The following DTNA variants were observed in gnomAD, a reference collection of about 807,000 sequenced individuals.
DTNA encodes dystrophin-related protein 3.
In DTNA, 43 loss-of-function variants were observed where a neutral mutation model predicts 100.7. That is an observed-to-expected ratio of 0.43 (90% CI 0.33 to 0.55). DTNA has a LOEUF of 0.55. Among genes scored for constraint, DTNA ranks in the 20% least tolerant of loss-of-function variants. The pLI is 0.04. For missense variants in DTNA, 798 were observed against 953.9 expected (o/e 0.84, Z 2.15); for synonymous variants, 349 against 347.9 (o/e 1.00, Z -0.04).
intron 17 of DTNA, chr18:34,866,368 A>C (rs545987363): frequency 1.1e-4 from 153 of 1,400,850 alleles, no homozygotes; most frequent in Non-Finnish European, 1.4e-4. Context: ...TCTTTTAGAA[A>C]AGGGAACGAA....
rs35456039 is a variant in DTNA, at chr18:34,824,932, T to TA, written c.1002-2640dup. ...ATTTTACAGGTAGCCTTAGATACAG[T>TA]AAAAAAAAAAAAAAAAAAAAATTAA... On this transcript the variant is annotated intron_variant, in intron 9 of 22. Transcript: ENST00000444659. Among the ~76,000 whole-genome samples, 10,464 of 96,712 alleles carry TA rather than the reference T, an allele frequency of 0.11. 496 individuals carry two copies. Among genetic ancestry groups the TA allele is most frequent in the African/African-American group, 0.15 (4,029 of 26,916 alleles). The allele number at this position is 96,712 out of a possible 152,430, so 63.4% of individuals were successfully genotyped here.
chr18:34,510,289 G>T (rs988116464), intron 1 of DTNA, among the ~76,000 whole-genome samples: 2 of 151,680 alleles, frequency 1.3e-5, no homozygotes, highest in African/African-American at 4.8e-5. Context: ...TTGTTTTTGT[G>T]TGTGTTCTCT....
intron 1 of DTNA, among the ~76,000 whole-genome samples, chr18:34,570,880 G>T (rs1021877466): frequency 2.0e-5 from 3 of 152,152 alleles, no homozygotes; most frequent in Non-Finnish European, 2.9e-5. Flanking sequence ...GGCTCCAGGG[G>T]AGGAGTGAAG....
At chr18:34,827,959 C>A (rs898117488) in intron 10 of DTNA, among the ~76,000 whole-genome samples, 2 of 152,022 alleles carry the variant, frequency 1.3e-5, no homozygotes, top group African/African-American at 4.8e-5. Flanking sequence ...CACATGCATC[C>A]CATCTCATTA....
chr18:34,831,246 A>G (rs1482753202), intron 11 of DTNA, among the ~76,000 whole-genome samples: 4 of 152,178 alleles, frequency 2.6e-5, no homozygotes, highest in Non-Finnish European at 2.9e-5. Context: ...TTTTACCTCC[A>G]ATTTTAGAAA....
At chr18:34,703,314 A>G (rs2081644854) in intron 1 of DTNA, among the ~76,000 whole-genome samples, 2 of 152,230 alleles carry the variant, frequency 1.3e-5, no homozygotes, top group African/African-American at 4.8e-5. Flanking sequence ...GTATACTTAT[A>G]AGCCAGAATT....
At chr18:34,591,033 G>C (rs188928720) in intron 1 of DTNA, among the ~76,000 whole-genome samples, 26 of 152,246 alleles carry the variant, frequency 1.7e-4, no homozygotes, top group African/African-American at 6.3e-4. Context: ...GCACTATAAA[G>C]AGTGGCCAGT....
chr18:34,652,808 G>A (rs999420662), intron 1 of DTNA, among the ~76,000 whole-genome samples: 1 of 152,084 alleles, frequency 6.6e-6, no homozygotes, highest in African/African-American at 2.4e-5. Context: ...AAATCTCCAT[G>A]AGACTTCTGT....
At chr18:34,518,345 A>G (rs2041849081) in intron 1 of DTNA, among the ~76,000 whole-genome samples, 1 of 152,148 alleles carries the variant, frequency 6.6e-6, no homozygotes, top group Non-Finnish European at 1.5e-5. Context: ...TGTGGTTTGC[A>G]AATAGTTTCT....
chr18:34,726,102 T>TG (rs2086619541), intron 1 of DTNA, among the ~76,000 whole-genome samples: 1 of 151,280 alleles, frequency 6.6e-6, no homozygotes, highest in South Asian at 2.1e-4. Flanking sequence ...TGTCGGGGAG[T>TG]GGGGGGCTGG....
At chr18:34,806,808 A>G (rs1416201436) in intron 5 of DTNA, among the ~76,000 whole-genome samples, 2 of 152,256 alleles carry the variant, frequency 1.3e-5, no homozygotes, top group African/African-American at 4.8e-5. Context: ...AGAGTTAACT[A>G]GATGCCAGTA....
intron 1 of DTNA, among the ~76,000 whole-genome samples, chr18:34,539,899 A>G (rs1568615393): frequency 6.6e-6 from 1 of 151,910 alleles, no homozygotes; most frequent in Non-Finnish European, 1.5e-5. Context: ...ATTTAAGTAG[A>G]CATTTTGACT....
At chr18:34,639,314 C>T (rs2059006922) in intron 1 of DTNA, among the ~76,000 whole-genome samples, 1 of 152,212 alleles carries the variant, frequency 6.6e-6, no homozygotes, top group African/African-American at 2.4e-5. Flanking sequence ...ATCACCCTGT[C>T]TCCAGTTGTG....
chr18:34,798,567 T>A (rs1308804707), intron 4 of DTNA, among the ~76,000 whole-genome samples: 1 of 152,244 alleles, frequency 6.6e-6, no homozygotes, highest in Non-Finnish European at 1.5e-5. Flanking sequence ...TTCAGTAGTA[T>A]CTTCTTTCGT....
At chr18:34,868,400 G>A in intron 17 of DTNA, 1 of 900,950 alleles carries the variant, frequency 1.1e-6, no homozygotes, top group Non-Finnish European at 1.3e-6. Flanking sequence ...AGGCGGTTCT[G>A]CAAGGAAATA....
chr18:34,610,144 G>A (rs2053943842), intron 1 of DTNA, among the ~76,000 whole-genome samples: 1 of 152,088 alleles, frequency 6.6e-6, no homozygotes, highest in South Asian at 2.1e-4. Context: ...AAACAATAAG[G>A]TCATGCCTGA....
intron 1 of DTNA, among the ~76,000 whole-genome samples, chr18:34,632,016 G>A (rs944799666): frequency 5.9e-5 from 9 of 151,700 alleles, no homozygotes; most frequent in African/African-American, 1.9e-4. Context: ...TTATTATCTT[G>A]GTGTCTCATA....
chr18:34,547,374 A>C (rs1298630047), intron 1 of DTNA, among the ~76,000 whole-genome samples: 2 of 151,742 alleles, frequency 1.3e-5, no homozygotes, highest in Non-Finnish European at 2.9e-5. Context: ...TCATAAAGAA[A>C]GCTATAAGTA....
intron 21 of DTNA, among the ~76,000 whole-genome samples, chr18:34,882,479 C>T (rs1252755060): frequency 6.6e-6 from 1 of 152,106 alleles, no homozygotes; most frequent in Non-Finnish European, 1.5e-5. Flanking sequence ...AGTGATTCTC[C>T]TGCCTCAGCC....
Sources: allele counts gnomAD v4.1 joint callset (sites outside exome capture counted in the v4.1 genomes callset), GRCh38; gene constraint gnomAD v4.1.1; transcripts MANE v1.5; gene names NCBI Gene and HGNC (gene_info 2026-07-23, HGNC 2026-07-21).